The following ZMYND8 variants were observed in gnomAD, a reference collection of about 807,000 sequenced individuals.
ZMYND8 encodes MYND-type zinc finger-containing chromatin reader ZMYND8.
In ZMYND8, 37 loss-of-function variants were observed where a neutral mutation model predicts 140.8. The observed-to-expected ratio is 0.26, with a 90% CI of 0.20 to 0.35. ZMYND8 has a LOEUF of 0.35. Ranked by LOEUF, ZMYND8 falls within the 10% of genes least tolerant of loss-of-function variation. ZMYND8 has a pLI of 1.00. For synonymous variants in ZMYND8, 592 were observed against 597.1 expected, an observed-to-expected ratio of 0.99 and a Z score of 0.12; for missense variants, 1,068 against 1,570.0, an observed-to-expected ratio of 0.68 and a Z score of 5.40.
At chr20:47,339,007 C>G (rs2081609995) in intron 2 of ZMYND8, among the ~76,000 whole-genome samples, 1 of 148,620 alleles carries the variant, frequency 6.7e-6, no homozygotes, top group African/African-American at 2.5e-5. Flanking sequence ...GAGTCTCGCT[C>G]TGTCACCCAG....
intron 14 of ZMYND8, among the ~76,000 whole-genome samples, chr20:47,242,439 G>A (rs1441440053): frequency 6.6e-6 from 1 of 152,252 alleles, no homozygotes; most frequent in Non-Finnish European, 1.5e-5. Flanking sequence ...TCTTCCAGGT[G>A]GAGATGAGGT....
intron 2 of ZMYND8, among the ~76,000 whole-genome samples, chr20:47,315,697 A>G (rs975583850): frequency 2.6e-5 from 4 of 152,108 alleles, no homozygotes; most frequent in Admixed American, 1.3e-4. Flanking sequence ...TGCCCAGTGC[A>G]TTTCATCTAT....
intron 2 of ZMYND8, chr20:47,319,429 T>A (rs745833127): frequency 2.6e-4 from 59 of 224,700 alleles, no homozygotes; most frequent in Non-Finnish European, 4.7e-4. Flanking sequence ...GTTTTTAACA[T>A]TTTTAGTAAT....
At chr20:47,280,136 A>C (rs2076517020) in intron 10 of ZMYND8, among the ~76,000 whole-genome samples, 1 of 145,384 alleles carries the variant, frequency 6.9e-6, no homozygotes. Context: ...AAAAAAAAAA[A>C]AAAAAAAGAA....
At chr20:47,230,382 C>G (rs1390036284) in intron 16 of ZMYND8, among the ~76,000 whole-genome samples, 2 of 151,862 alleles carry the variant, frequency 1.3e-5, no homozygotes, top group Non-Finnish European at 2.9e-5. Flanking sequence ...ACCTCCGCCT[C>G]CAGGTTCAGG....
chr20:47,291,698 G>C (rs1210377120), intron 6 of ZMYND8, 98 bp downstream of exon 6: 1 of 838,574 alleles, frequency 1.2e-6, no homozygotes, highest in African/African-American at 1.8e-5. Flanking sequence ...ATTTAAGATT[G>C]TTATGTCCAA....
chr20:47,272,488 A>G (rs1445101060), intron 11 of ZMYND8, among the ~76,000 whole-genome samples: 2 of 152,224 alleles, frequency 1.3e-5, no homozygotes, highest in Non-Finnish European at 2.9e-5. Context: ...ATACATATTA[A>G]TAACTTACAT....
intron 2 of ZMYND8, among the ~76,000 whole-genome samples, chr20:47,321,856 CTTTTTTTTTT>C (rs60425976): frequency 2.4e-5 from 3 of 123,478 alleles, no homozygotes; most frequent in Non-Finnish European, 3.3e-5. Flanking sequence ...ACTCGCCGCC[CTTTTTTTTTT>C]TTTTTTTTTT....
In ZMYND8 at chr20:47,258,524, G is replaced by A. The variant is rs192961438; in HGVS notation, c.1621+3764C>T. ...AAAACACAGAGCAGGTCCATCTCCCGAAGAGTTCCCTCCCAATGTGTAGGC... is the reference window on the plus strand; with the variant it reads ...AAAACACAGAGCAGGTCCATCTCCCAAAGAGTTCCCTCCCAATGTGTAGGC... On this transcript the variant is annotated intron_variant, in intron 12 of 22. Transcript: ENST00000471951. Among the ~76,000 whole-genome samples the A allele has an allele frequency of 1.2e-4, 18 of 152,242 alleles. No individual in the cohort carries two copies. In the East Asian group the frequency reaches 3.3e-3, roughly 28 times the overall value.
intron 8 of ZMYND8, among the ~76,000 whole-genome samples, chr20:47,284,160 C>T (rs183361472): frequency 4.2e-4 from 64 of 152,194 alleles, no homozygotes; most frequent in Non-Finnish European, 2.4e-4. Flanking sequence ...TGGCCTCAAG[C>T]GATCCACCCG....
chr20:47,236,272 C>G, intron 16 of ZMYND8, 54 bp downstream of exon 16: 2 of 1,608,998 alleles, frequency 1.2e-6, no homozygotes, highest in Admixed American at 1.7e-5. Flanking sequence ...GACCAAGATT[C>G]TGGCATCCTG....
chr20:47,273,226 T>C (rs2076064444), intron 11 of ZMYND8, among the ~76,000 whole-genome samples: 1 of 152,158 alleles, frequency 6.6e-6, no homozygotes, highest in African/African-American at 2.4e-5. Flanking sequence ...ATTTTTTTAA[T>C]GGTTGGGGGG....
intron 2 of ZMYND8, among the ~76,000 whole-genome samples, chr20:47,333,198 A>G (rs1203084863): frequency 6.6e-6 from 1 of 151,994 alleles, no homozygotes; most frequent in Admixed American, 6.6e-5. Flanking sequence ...ACATATATAT[A>G]TGAGAGAGAG....
Position 47,276,481 on chromosome 20 carries a change from C to CCA in ZMYND8, c.1311_1312dup (p.Gly438ValfsTer18). The CCA allele has an allele frequency of 6.2e-7, 1 of 1,614,044 alleles. No individual in the cohort carries two copies. Among genetic ancestry groups the CCA allele is most frequent in the Non-Finnish European group, 8.5e-7 (1 of 1,180,010 alleles). On this transcript the variant is annotated frameshift_variant, in exon 11 of 23. Coordinates refer to ENST00000471951, the MANE Select transcript of ZMYND8 (RefSeq NM_001281775.3). LOFTEE classifies it high-confidence loss of function. ...CAAGGAAATCCGGCGGCCTGTGCCC[C>CCA]CACTCAGCACAGGCTTGCTCATCAG...
At chr20:47,336,581 C>T (rs2081400754) in intron 2 of ZMYND8, among the ~76,000 whole-genome samples, 1 of 152,194 alleles carries the variant, frequency 6.6e-6, no homozygotes, top group Non-Finnish European at 1.5e-5. Context: ...AATCCCTGGC[C>T]TTCAAGGCGC....
chr20:47,319,096 T>C (rs2148329911), intron 2 of ZMYND8: 6 of 1,282,332 alleles, frequency 4.7e-6, no homozygotes, highest in African/African-American at 4.5e-5. Flanking sequence ...GAGAACAGGC[T>C]AAGAGTCACC....
intron 10 of ZMYND8, among the ~76,000 whole-genome samples, chr20:47,279,940 T>C (rs2076501709): frequency 6.6e-6 from 1 of 151,942 alleles, no homozygotes; most frequent in Admixed American, 6.6e-5. Flanking sequence ...CTGGGCAACA[T>C]GGCAAAACCC....
intron 8 of ZMYND8, 75 bp from the exon 9 acceptor site, chr20:47,283,723 A>G (rs913509868): frequency 6.9e-7 from 1 of 1,447,874 alleles, no homozygotes; most frequent in African/African-American, 1.4e-5. Context: ...ATGCTTGATG[A>G]TTTTGAAGGT....
intron 16 of ZMYND8, 123 bp from the exon 17 acceptor site, chr20:47,229,929 T>G: frequency 1.3e-6 from 1 of 776,718 alleles, no homozygotes; most frequent in Non-Finnish European, 2.0e-6. Flanking sequence ...TTGTCCCGCA[T>G]GAGACACTGG....
Sources: allele counts gnomAD v4.1 joint callset (sites outside exome capture counted in the v4.1 genomes callset), GRCh38; gene constraint gnomAD v4.1.1; transcripts MANE v1.5; gene names NCBI Gene and HGNC (gene_info 2026-07-23, HGNC 2026-07-21).